Variants in TENT4B observed in about 807,000 individuals in gnomAD.
TENT4B encodes the protein PAP associated domain containing 5.
In TENT4B, 10 loss-of-function variants were observed where a neutral mutation model predicts 75.0. That is an observed-to-expected ratio of 0.13 (90% CI 0.08 to 0.23). TENT4B has a LOEUF of 0.23. Ranked by LOEUF, TENT4B falls within the 10% of genes least tolerant of loss-of-function variation. TENT4B has a pLI of 1.00. For missense variants in TENT4B, 579 were observed against 893.8 expected, an observed-to-expected ratio of 0.65 and a Z score of 4.49; for synonymous variants, 350 against 357.7, an observed-to-expected ratio of 0.98 and a Z score of 0.24.
intron 1 of TENT4B, among the ~76,000 whole-genome samples, chr16:50,186,905 ATTTTTC>A (rs2038538775): frequency 6.6e-6 from 1 of 151,018 alleles, no homozygotes; most frequent in South Asian, 2.1e-4. Flanking sequence ...ATTTTCATTT[ATTTTTC>A]TTTTTTTAAT....
intron 1 of TENT4B, among the ~76,000 whole-genome samples, chr16:50,190,744 C>T (rs1490358691): frequency 4.6e-5 from 7 of 152,036 alleles, no homozygotes; most frequent in Admixed American, 4.6e-4. Context: ...CCATTTAAGC[C>T]TGCAGTTCAG....
At chr16:50,180,419 A>G (rs2038390972) in intron 1 of TENT4B, among the ~76,000 whole-genome samples, 1 of 152,124 alleles carries the variant, frequency 6.6e-6, no homozygotes, top group Admixed American at 6.5e-5. Flanking sequence ...TATTTTTTGA[A>G]ATAATAGGCC....
At chr16:50,227,340 C>T (rs757158091) in intron 10 of TENT4B, among the ~76,000 whole-genome samples, 12 of 152,198 alleles carry the variant, frequency 7.9e-5, no homozygotes, top group Non-Finnish European at 1.5e-4. Flanking sequence ...AGAGACGTAG[C>T]ATTGTCATGG....
chr16:50,163,566 ATTTT>A (rs908376292), intron 1 of TENT4B, among the ~76,000 whole-genome samples: 8 of 151,014 alleles, frequency 5.3e-5, no homozygotes, highest in African/African-American at 1.7e-4. Flanking sequence ...CACCCGGCTT[ATTTT>A]TTGTATTTTT....
Position 50,232,020 on chromosome 16 carries a change from T to G in TENT4B, c.*2692T>G. On this transcript the variant is annotated 3_prime_UTR_variant, in exon 12 of 12. Transcript: ENST00000561678. ...TTGTTGAATGGGATTTTACAAATTC[T>G]CCCTCACTCTGGTGACATTTCTCAG... 1 of 985,310 alleles carries G rather than the reference T, an allele frequency of 1.0e-6. No individual in the cohort carries two copies. Among genetic ancestry groups the G allele is most frequent in the South Asian group, 4.7e-5 (1 of 21,278 alleles). The allele number at this position is 985,310 out of a possible 1,614,324, so 61.0% of individuals were successfully genotyped here.
rs573348217 is a variant in TENT4B at position 50,192,251 on chromosome 16, C to G, written c.639-19072C>G. Reference sequence around the variant, plus strand: ...CTGTCTCAAAAAAAAAAAAAAAAATCATTAATAAATGTGATCTTTTTTCTT... The same window carrying G: ...CTGTCTCAAAAAAAAAAAAAAAAATGATTAATAAATGTGATCTTTTTTCTT... On this transcript the variant is annotated intron_variant, in intron 1 of 11. Coordinates refer to ENST00000561678, the MANE Select transcript of TENT4B (RefSeq NM_001365324.3). Among the ~76,000 whole-genome samples the G allele has an allele frequency of 1.4e-4, 21 of 145,816 alleles. No individual in the cohort carries two copies. In the South Asian group the frequency reaches 4.6e-3, roughly 32 times the overall value.
At chr16:50,170,735 C>T (rs1325214520) in intron 1 of TENT4B, among the ~76,000 whole-genome samples, 7 of 151,860 alleles carry the variant, frequency 4.6e-5, no homozygotes, top group Admixed American at 2.0e-4. Context: ...AGCATGATCT[C>T]GGTTCACCAC....
intron 2 of TENT4B, 109 bp downstream of exon 2, chr16:50,211,555 G>A (rs2150734195): frequency 1.6e-6 from 2 of 1,250,464 alleles, no homozygotes; most frequent in Middle Eastern, 3.0e-4. Flanking sequence ...GAAGTGCTCT[G>A]TAGAGTTGTG....
chr16:50,223,671 T>A (rs978285132), intron 7 of TENT4B, among the ~76,000 whole-genome samples: 1 of 152,200 alleles, frequency 6.6e-6, no homozygotes, highest in Non-Finnish European at 1.5e-5. Context: ...TTGGTGGCTG[T>A]TTCTCCTTCT....
rs987806162 is a variant in TENT4B at position 50,224,933 on chromosome 16, A to G, written c.1551A>G (p.Thr517=). The G allele has an allele frequency of 2.5e-6, 4 of 1,613,948 alleles. No individual in the cohort carries two copies. The highest frequency in any genetic ancestry group is 2.2e-5 in the East Asian group (1 of 44,874). ...RIIRVTDEVA[T]YRDWISKQWG... ...TTAGAGTAACAGATGAAGTTGCCAC[A>G]TATAGAGATTGGATATCAAAGCAGT... Residue 517 remains threonine, a synonymous_variant, in exon 9 of 12, where the codon ACA becomes ACG. Transcript: ENST00000561678.
chr16:50,211,316 T>A lies in TENT4B; in HGVS notation c.639-7T>A, dbSNP rs2031267177. 6.2e-7 allele frequency: 1 copy of A among 1,605,042 alleles called. No homozygotes were observed. The highest frequency in any genetic ancestry group is 1.3e-5 in the African/African-American group (1 of 74,532). On this transcript the variant is annotated splice_region_variant and splice_polypyrimidine_tract_variant and intron_variant, in intron 1 of 11. Coordinates refer to ENST00000561678, the MANE Select transcript of TENT4B (RefSeq NM_001365324.3). ...GTTCATATTAACTTTTCTGTTTTTT[T>A]CTTCAGTCTGCATGAAGAAATCAGT...
upstream of TENT4B, chr16:50,152,958 G>A (rs1266412941): frequency 2.0e-6 from 3 of 1,509,470 alleles, no homozygotes; most frequent in Non-Finnish European, 8.8e-7. Flanking sequence ...CCTCCATGCG[G>A]CCTCGTCCAC....
rs563218285 is a variant in TENT4B, at chr16:50,230,716, TGTA to T, written c.*1391_*1393del. On this transcript the variant is annotated 3_prime_UTR_variant, in exon 12 of 12. Coordinates refer to ENST00000561678, the MANE Select transcript of TENT4B (RefSeq NM_001365324.3). ...TTTCAATCATACTGTAAATTTTGGT[TGTA>T]GTCAGCTTTGAGTGCAATGAGATGT... The T allele has an allele frequency of 5.1e-6, 5 of 985,828 alleles. No individual in the cohort carries two copies. The East Asian group carries it at 5.7e-4, about 112-fold the overall frequency. 61.1% of individuals were successfully genotyped at this position (985,828 alleles called of 1,614,324 possible).
At chr16:50,183,861 A>G (rs927085357) in intron 1 of TENT4B, among the ~76,000 whole-genome samples, 1 of 152,160 alleles carries the variant, frequency 6.6e-6, no homozygotes, top group African/African-American at 2.4e-5. Context: ...CCTGGCCAAC[A>G]TGGTGAAACC....
rs1262319964 is a variant in TENT4B, at chr16:50,169,431, ATGG to A, written c.638+15178_638+15180del. 4.8e-5 allele frequency among the ~76,000 whole-genome samples: 6 copies of A among 124,222 alleles called. No homozygotes were observed. The East Asian group carries it at 1.5e-3, about 31-fold the overall frequency. 81.5% of individuals were successfully genotyped at this position (124,222 alleles called of 152,430 possible). A position where few individuals can be genotyped will look rare whatever the true frequency, so the allele number is the denominator to read the frequency against. ...TTTTTTTTGCAAAAATGCATCATAA[ATGG>A]TGGTGTGTACATCTCTCAGAAGACA... On this transcript the variant is annotated intron_variant, in intron 1 of 11. Coordinates refer to ENST00000561678, the MANE Select transcript of TENT4B (RefSeq NM_001365324.3).
In TENT4B at chr16:50,209,583, T is replaced by C. The variant is rs144657755; in HGVS notation, c.639-1740T>C. On this transcript the variant is annotated intron_variant, in intron 1 of 11. Transcript: ENST00000561678. Reference sequence around the variant, plus strand: ...GATCCACGTTTTATGACATATTGCATAGCAAACAGGCCGAACGCTGTTGTA... The same window carrying C: ...GATCCACGTTTTATGACATATTGCACAGCAAACAGGCCGAACGCTGTTGTA... Among the ~76,000 whole-genome samples the C allele has an allele frequency of 3.3e-4, 50 of 152,332 alleles. No homozygotes were observed. In the East Asian group the frequency reaches 8.5e-3, roughly 26 times the overall value.
intron 1 of TENT4B, among the ~76,000 whole-genome samples, chr16:50,185,779 AC>A (rs1265663771): frequency 6.6e-6 from 1 of 151,556 alleles, no homozygotes; most frequent in Non-Finnish European, 1.5e-5. Flanking sequence ...TCACCTGCAC[AC>A]CCTTGGCATA....
chr16:50,221,767 CTTT>C (rs537638271), intron 5 of TENT4B, among the ~76,000 whole-genome samples: 1 of 144,974 alleles, frequency 6.9e-6, no homozygotes. Flanking sequence ...ATAGCAAGTA[CTTT>C]TTTTTTTTTT....
intron 1 of TENT4B, among the ~76,000 whole-genome samples, chr16:50,169,923 A>G (rs1170042375): frequency 2.0e-5 from 3 of 152,218 alleles, no homozygotes; most frequent in African/African-American, 7.2e-5. Flanking sequence ...GGAAACCAGA[A>G]CAGACCTATG....
Sources: gnomAD v4.1 joint callset for allele counts (sites outside exome capture counted in the v4.1 genomes callset) on GRCh38, gnomAD v4.1.1 for gene constraint, MANE v1.5 for transcripts, NCBI Gene and HGNC (gene_info 2026-07-23, HGNC 2026-07-21) for gene names.